Variants in MSMO1 observed in about 807,000 individuals in gnomAD.
MSMO1 encodes the protein methylsterol monooxygenase 1, also known as C-4 methylsterol oxidase.
In MSMO1, 18 loss-of-function variants were observed where a neutral mutation model predicts 30.4. That is an observed-to-expected ratio of 0.59 (90% CI 0.41 to 0.88). MSMO1 has a LOEUF of 0.88. Among genes scored for constraint, MSMO1 ranks in the 40% least tolerant of loss-of-function variants. The probability of loss-of-function intolerance (pLI) is 0.00; values close to 1 mark genes in which losing one functional copy is unlikely to be tolerated. For missense variants in MSMO1, 284 were observed against 340.5 expected, an observed-to-expected ratio of 0.83 and a Z score of 1.31; for synonymous variants, 84 against 107.9, an observed-to-expected ratio of 0.78 and a Z score of 1.37.
At chr4:165,334,128 T>C (rs1747473837) in intron 2 of MSMO1, among the ~76,000 whole-genome samples, 1 of 152,172 alleles carries the variant, frequency 6.6e-6, no homozygotes, top group Non-Finnish European at 1.5e-5. Context: ...CAATCAGTAA[T>C]CAAATTCTAA....
intron 4 of MSMO1, 66 bp from the exon 5 acceptor site, chr4:165,340,155 G>C (rs1747677391): frequency 6.9e-7 from 1 of 1,439,134 alleles, no homozygotes; most frequent in Admixed American, 1.8e-5. Flanking sequence ...GCCTAGCCAA[G>C]TTGACACATA....
At chr4:165,334,830 C>T (rs1181497139) in intron 2 of MSMO1, among the ~76,000 whole-genome samples, 2 of 152,182 alleles carry the variant, frequency 1.3e-5, no homozygotes, top group Non-Finnish European at 2.9e-5. Flanking sequence ...TGAGAGTATT[C>T]ATCTATGGAA....
Position 165,342,130 on chromosome 4 carries a change from T to C in MSMO1, c.*184T>C, listed in dbSNP as rs1327715744. The C allele has an allele frequency of 5.5e-6, 3 of 546,326 alleles. No individual in the cohort carries two copies. The highest frequency in any genetic ancestry group is 3.2e-5 in the Admixed American group (1 of 30,796). 33.8% of individuals were successfully genotyped at this position (546,326 alleles called of 1,614,324 possible). A position where few individuals can be genotyped will look rare whatever the true frequency, so the allele number is the denominator to read the frequency against. On this transcript the variant is annotated 3_prime_UTR_variant, in exon 6 of 6. Coordinates refer to ENST00000261507, the MANE Select transcript of MSMO1 (RefSeq NM_006745.5). ...TTCTACTTTACCTACAAGTTCTATA[T>C]ATGTAGAAATGAATAAATATATATT...
At position 165,337,895 on chromosome 4, in the gene MSMO1, A is replaced by G. The variant is rs1560849841; in HGVS notation, c.362A>G (p.Glu121Gly). ...PLICGTYYFTEYFNIPYDWER... is the reference protein window; with the variant it reads ...PLICGTYYFTGYFNIPYDWER... Reference sequence around the variant, plus strand: ...ATTTGTGGAACCTATTATTTTACAGAGTATTTCAATATTCCTTATGATTGG... The same window carrying G: ...ATTTGTGGAACCTATTATTTTACAGGGTATTTCAATATTCCTTATGATTGG... Residue 121 changes from glutamate (E) to glycine (G), a missense_variant, in exon 3 of 6, where the codon GAG becomes GGG. Coordinates refer to ENST00000261507, the MANE Select transcript of MSMO1 (RefSeq NM_006745.5). 9 of 1,613,544 alleles carry G rather than the reference A, an allele frequency of 5.6e-6. No homozygotes were observed. The highest frequency in any genetic ancestry group is 6.8e-6 in the Non-Finnish European group (8 of 1,179,710).
chr4:165,333,151 G>C (rs766802584), intron 1 of MSMO1, among the ~76,000 whole-genome samples, 189 bp from the exon 2 acceptor site: 31 of 152,078 alleles, frequency 2.0e-4, no homozygotes, highest in Non-Finnish European at 4.4e-4. Context: ...AATAGAAATG[G>C]TGATGATATC....
At chr4:165,330,728 G>A (rs934815) in intron 1 of MSMO1, among the ~76,000 whole-genome samples, 20 of 151,846 alleles carry the variant, frequency 1.3e-4, no homozygotes, top group Admixed American at 1.0e-3. Context: ...TTTTTGAGAC[G>A]GAGTTTTGCT....
rs779133528 is a variant in MSMO1, at chr4:165,340,382, A to G, written c.686+7A>G. On this transcript the variant is annotated splice_region_variant and intron_variant, in intron 5 of 5. Coordinates refer to ENST00000261507, the MANE Select transcript of MSMO1 (RefSeq NM_006745.5). ...AAACTATTGATGTCCATAGGTGAGT[A>G]TTAATTTCTGTTCAGGTATAAAGCA... is the stretch of plus-strand genomic sequence containing the variant. 3.1e-6 allele frequency: 5 copies of G among 1,609,152 alleles called. No homozygotes were observed. Among genetic ancestry groups the G allele is most frequent in the Non-Finnish European group, 4.3e-6 (5 of 1,175,944 alleles).
intron 5 of MSMO1, among the ~76,000 whole-genome samples, chr4:165,341,214 C>A (rs944633985): frequency 6.6e-6 from 1 of 152,004 alleles, no homozygotes; most frequent in African/African-American, 2.4e-5. Flanking sequence ...TTGTCTTCTG[C>A]CAACTATAGA....
At chr4:165,341,408 T>C (rs963081047) in intron 5 of MSMO1, among the ~76,000 whole-genome samples, 6 of 152,324 alleles carry the variant, frequency 3.9e-5, no homozygotes, top group East Asian at 1.9e-4. Flanking sequence ...ACAACTGTTA[T>C]ACATGATGGT....
chr4:165,342,588 C>G lies in MSMO1; in HGVS notation c.*642C>G, dbSNP rs1304309769. Reference sequence around the variant, plus strand: ...GCCAGGCTGGTCTCAAACTTCTGACCTCAAGTGATCTGCCCACCTTGGCCT... The same window carrying G: ...GCCAGGCTGGTCTCAAACTTCTGACGTCAAGTGATCTGCCCACCTTGGCCT... On this transcript the variant is annotated 3_prime_UTR_variant, in exon 6 of 6. Coordinates refer to ENST00000261507, the MANE Select transcript of MSMO1 (RefSeq NM_006745.5). 1.3e-5 allele frequency: 2 copies of G among 152,318 alleles called. No individual in the cohort carries two copies. Among genetic ancestry groups the G allele is most frequent in the African/African-American group, 4.8e-5 (2 of 41,430 alleles). 9.4% of individuals were successfully genotyped at this position (152,318 alleles called of 1,614,324 possible).
At chr4:165,335,967 C>T (rs1866219) in intron 2 of MSMO1, among the ~76,000 whole-genome samples, 101,773 of 152,126 alleles carry the variant, frequency 0.67, 34,514 homozygotes, top group African/African-American at 0.74. Flanking sequence ...TTATGCATTT[C>T]GAAGGCAGAT....
chr4:165,331,381 G>A (rs746984472), intron 1 of MSMO1, among the ~76,000 whole-genome samples: 3 of 152,196 alleles, frequency 2.0e-5, no homozygotes, highest in Non-Finnish European at 2.9e-5. Context: ...AAGGGAGAAG[G>A]ATGAAAGATG....
At chr4:165,329,647 T>A (rs1191053293) in intron 1 of MSMO1, among the ~76,000 whole-genome samples, 6 of 141,078 alleles carry the variant, frequency 4.3e-5, no homozygotes, top group Non-Finnish European at 9.2e-5. Context: ...TTTTTTTTTT[T>A]TTTTTGAGAC....
intron 5 of MSMO1, among the ~76,000 whole-genome samples, chr4:165,341,477 A>T (rs1209101102): frequency 3.9e-5 from 6 of 152,174 alleles, no homozygotes; most frequent in Non-Finnish European, 8.8e-5. Flanking sequence ...GTGTCTAAAG[A>T]TTCATTACTA....
intron 4 of MSMO1, among the ~76,000 whole-genome samples, chr4:165,339,760 C>T (rs745965813): frequency 1.3e-5 from 2 of 152,240 alleles, no homozygotes; most frequent in Non-Finnish European, 2.9e-5. Flanking sequence ...TCCAGTGAAG[C>T]AGAATCATTG....
At chr4:165,333,880 AG>A (rs1747468489) in intron 2 of MSMO1, among the ~76,000 whole-genome samples, 2 of 152,340 alleles carry the variant, frequency 1.3e-5, no homozygotes, top group African/African-American at 4.8e-5. Context: ...CTGTAATTCC[AG>A]CACTTTGGGA....
At chr4:165,328,716 C>G (rs1264570749) in intron 1 of MSMO1, among the ~76,000 whole-genome samples, 1 of 152,182 alleles carries the variant, frequency 6.6e-6, no homozygotes. Context: ...TTTCCAAGAC[C>G]TTGTTTCCCC....
intron 2 of MSMO1, among the ~76,000 whole-genome samples, chr4:165,334,391 T>C (rs1360994513): frequency 6.6e-6 from 1 of 152,206 alleles, no homozygotes; most frequent in Non-Finnish European, 1.5e-5. Context: ...TTAAGCTAGC[T>C]GGAAAGGAAA....
intron 2 of MSMO1, among the ~76,000 whole-genome samples, chr4:165,334,013 A>G (rs754614557): frequency 6.6e-6 from 1 of 152,178 alleles, no homozygotes; most frequent in Non-Finnish European, 1.5e-5. Context: ...AGTCCTAGCT[A>G]CTTATGAGGC....
Sources: gnomAD v4.1 joint callset for allele counts (sites outside exome capture counted in the v4.1 genomes callset) on GRCh38, gnomAD v4.1.1 for gene constraint, MANE v1.5 for transcripts, NCBI Gene and HGNC (gene_info 2026-07-23, HGNC 2026-07-21) for gene names.